Variants in ZNF804A observed in about 807,000 individuals in gnomAD.
The protein encoded by ZNF804A is zinc finger protein 804A.
In ZNF804A, 2 loss-of-function variants were observed where a neutral mutation model predicts 16.5. The ratio of observed to expected loss-of-function variants is 0.12; its 90% confidence interval spans 0.05 to 0.38. The LOEUF is 0.38. Among genes scored for constraint, ZNF804A ranks in the 10% least tolerant of loss-of-function variants. ZNF804A has a pLI of 0.99. For synonymous variants in ZNF804A, 534 were observed against 489.6 expected (o/e 1.09, Z -1.20); for missense variants, 1,473 against 1,390.7 (o/e 1.06, Z -0.94).
In ZNF804A at chr2:184,938,211, A is replaced by G. The variant is rs764271344; in HGVS notation, c.2815A>G (p.Arg939Gly). The G allele has an allele frequency of 6.8e-6, 11 of 1,613,978 alleles. No homozygotes were observed. In the South Asian group the frequency reaches 1.2e-4, roughly 18 times the overall value. The change falls in exon 4 of 4, where the codon AGA becomes GGA. Residue 939 changes from arginine (R) to glycine (G), a missense_variant. Transcript: ENST00000302277. ...IDNTLLEHKE[R>G]SENINLNEKQ... ...CAATACCCTGCTTGAACACAAAGAA[A>G]GAAGTGAGAATATAAATCTTAATGA...
chr2:184,733,747 G>A (rs1268490562), intron 1 of ZNF804A, among the ~76,000 whole-genome samples: 1 of 152,160 alleles, frequency 6.6e-6, no homozygotes, highest in East Asian at 1.9e-4. Flanking sequence ...ATTTTGGCAA[G>A]TTGTGGCTTT....
At chr2:184,814,133 G>A (rs1023534405) in intron 1 of ZNF804A, among the ~76,000 whole-genome samples, 1 of 149,742 alleles carries the variant, frequency 6.7e-6, no homozygotes, top group East Asian at 2.0e-4. Context: ...GGCAACTTGT[G>A]TTATTTTGAA....
At position 184,933,736 on chromosome 2, in the gene ZNF804A, G is replaced by T; in HGVS notation, c.386+3G>T. ...GAGCTAAGAAAGGAAACTGTATGGT[G>T]AGTATCCAATGAAATTGTAAGTTTT... On this transcript the variant is annotated splice_donor_region_variant and intron_variant, in intron 3 of 3. Coordinates refer to ENST00000302277, the MANE Select transcript of ZNF804A (RefSeq NM_194250.2). 1 of 1,594,028 alleles carries T rather than the reference G, an allele frequency of 6.3e-7. No individual in the cohort carries two copies.
At chr2:184,822,945 A>T (rs978617533) in intron 1 of ZNF804A, among the ~76,000 whole-genome samples, 9 of 152,122 alleles carry the variant, frequency 5.9e-5, no homozygotes, top group African/African-American at 2.2e-4. Context: ...ATGTTTTAGT[A>T]TATATCTGAA....
intron 2 of ZNF804A, among the ~76,000 whole-genome samples, chr2:184,932,847 T>C (rs952437338): frequency 6.6e-6 from 1 of 152,138 alleles, no homozygotes; most frequent in African/African-American, 2.4e-5. Flanking sequence ...CTGTTTTTCT[T>C]GCCATCAACC....
chr2:184,807,886 A>T (rs1358146935), intron 1 of ZNF804A, among the ~76,000 whole-genome samples: 1 of 151,788 alleles, frequency 6.6e-6, no homozygotes, highest in African/African-American at 2.4e-5. Context: ...GAGAAAGGGC[A>T]AGAAATAGAC....
intron 1 of ZNF804A, among the ~76,000 whole-genome samples, chr2:184,859,866 A>G (rs1450863787): frequency 1.3e-5 from 2 of 152,216 alleles, no homozygotes; most frequent in East Asian, 3.9e-4. Flanking sequence ...AGGTGGGCCT[A>G]GTACCTATGG....
chr2:184,852,223 GTCTCTTTC>G (rs1357340682), intron 1 of ZNF804A, among the ~76,000 whole-genome samples: 25 of 119,438 alleles, frequency 2.1e-4, no homozygotes, highest in South Asian at 5.4e-4. Flanking sequence ...TGTGAATGCG[GTCTCTTTC>G]TCTCTCTCTC....
At chr2:184,749,054 G>A (rs976030402) in intron 1 of ZNF804A, among the ~76,000 whole-genome samples, 1 of 151,448 alleles carries the variant, frequency 6.6e-6, no homozygotes, top group Non-Finnish European at 1.5e-5. Context: ...GCTTATAATT[G>A]CCTTTGCTAT....
At chr2:184,835,009 C>T (rs1314976297) in intron 1 of ZNF804A, among the ~76,000 whole-genome samples, 1 of 152,120 alleles carries the variant, frequency 6.6e-6, no homozygotes, top group African/African-American at 2.4e-5. Flanking sequence ...CAACTGACTA[C>T]CTACTATTTG....
intron 2 of ZNF804A, among the ~76,000 whole-genome samples, chr2:184,874,029 C>T (rs1696015319): frequency 6.6e-6 from 1 of 152,052 alleles, no homozygotes; most frequent in Non-Finnish European, 1.5e-5. Flanking sequence ...CAAAATTATT[C>T]TGCAGTGCAA....
chr2:184,723,821 G>C (rs1324784565), intron 1 of ZNF804A, among the ~76,000 whole-genome samples: 2 of 151,676 alleles, frequency 1.3e-5, no homozygotes, highest in Admixed American at 6.6e-5. Flanking sequence ...GTAGGTATTT[G>C]GGGATTTCTA....
chr2:184,703,562 C>T (rs1346408541), intron 1 of ZNF804A, among the ~76,000 whole-genome samples: 2 of 151,458 alleles, frequency 1.3e-5, no homozygotes, highest in Non-Finnish European at 2.9e-5. Context: ...TGGTGGCGGG[C>T]GCCTGTAGTC....
chr2:184,685,118 G>A (rs934223159), intron 1 of ZNF804A, among the ~76,000 whole-genome samples: 1 of 152,144 alleles, frequency 6.6e-6, no homozygotes, highest in Non-Finnish European at 1.5e-5. Context: ...TCTAGCCACT[G>A]CACACAGCCA....
chr2:184,857,792 T>G (rs1265584776), intron 1 of ZNF804A, among the ~76,000 whole-genome samples: 1 of 152,196 alleles, frequency 6.6e-6, no homozygotes, highest in African/African-American at 2.4e-5. Flanking sequence ...ATTTTGGTTT[T>G]CATTTGCATG....
chr2:184,787,925 T>C (rs1347240225), intron 1 of ZNF804A, among the ~76,000 whole-genome samples: 1 of 151,956 alleles, frequency 6.6e-6, no homozygotes, highest in Non-Finnish European at 1.5e-5. Context: ...TAGGCAAATG[T>C]CAAGGAGAGC....
chr2:184,870,519 G>T (rs974763687), intron 2 of ZNF804A, among the ~76,000 whole-genome samples: 1 of 151,872 alleles, frequency 6.6e-6, no homozygotes, highest in African/African-American at 2.4e-5. Context: ...CATACTCTCT[G>T]AAACTCTGCT....
chr2:184,878,826 T>G (rs1261803267), intron 2 of ZNF804A, among the ~76,000 whole-genome samples: 2 of 152,072 alleles, frequency 1.3e-5, no homozygotes, highest in Non-Finnish European at 2.9e-5. Context: ...TAAAAATATT[T>G]GTTTTTTTAT....
At position 184,850,796 on chromosome 2, in the gene ZNF804A, A is replaced by G. The variant is rs954265432; in HGVS notation, c.112-15573A>G. ...CAACATTTAAAATAATTATATATTA[A>G]CAGTTCCCAATCTATTTATATCTTT... On this transcript the variant is annotated intron_variant, in intron 1 of 3. Coordinates refer to ENST00000302277, the MANE Select transcript of ZNF804A (RefSeq NM_194250.2). Among the ~76,000 whole-genome samples, 8 of 151,926 alleles carry G rather than the reference A, an allele frequency of 5.3e-5. No homozygotes were observed. The South Asian group carries it at 1.5e-3, about 28-fold the overall frequency.
Sources: allele counts gnomAD v4.1 joint callset (sites outside exome capture counted in the v4.1 genomes callset), GRCh38; gene constraint gnomAD v4.1.1; transcripts MANE v1.5; gene names NCBI Gene and HGNC (gene_info 2026-07-23, HGNC 2026-07-21).